Variants in PPP1R15A observed in about 807,000 individuals in gnomAD.
PPP1R15A encodes growth arrest and DNA damage-inducible protein GADD34.
Under a neutral mutation model 48.5 loss-of-function variants are expected in PPP1R15A, and 43 were observed. The ratio of observed to expected loss-of-function variants is 0.89; its 90% CI spans 0.69 to 1.14. The LOEUF (loss-of-function observed/expected upper bound fraction) is 1.14, where lower values mean the gene tolerates loss of function less well. Among genes scored for constraint, PPP1R15A ranks in the 50% most tolerant of loss-of-function variants. PPP1R15A has a pLI of 0.00. For missense variants in PPP1R15A, 868 were observed against 847.2 expected (o/e 1.02, Z -0.30); for synonymous variants, 327 against 327.4 (o/e 1.00, Z 0.01).
Position 48,874,344 on chromosome 19 carries a change from G to T in PPP1R15A, c.1111G>T (p.Gly371Ter). Residue 371 changes from glycine (G) to a stop codon, truncating the protein, a stop_gained, in exon 2 of 3, where the codon GGA becomes TGA. Coordinates refer to ENST00000200453, the MANE Select transcript of PPP1R15A (RefSeq NM_014330.5). LOFTEE classifies it high-confidence loss of function. ...DSDSGSDEEE[G>*]EAEASSSTPA... ...TGACTCTGGATCAGATGAGGAAGAG[G>T]GAGAAGCTGAGGCTTCCTCTTCCAC... The T allele has an allele frequency of 1.2e-6, 2 of 1,613,578 alleles. No homozygotes were observed. Among genetic ancestry groups the T allele is most frequent in the South Asian group, 2.2e-5 (2 of 91,058 alleles).
Position 48,873,526 on chromosome 19 carries a change from T to A in PPP1R15A, c.293T>A (p.Leu98Gln). ...GGAGAGGACAGAGAAACACTGGGGC[T>A]GAAAACCAGCAGTTCCCTTCCTGAA... ...GPGEDRETLGLKTSSSLPEAW... is the reference protein window; with the variant it reads ...GPGEDRETLGQKTSSSLPEAW... The change falls in exon 2 of 3, where the codon CTG (leucine) becomes CAG (glutamine). Residue 98 changes from leucine to glutamine, a missense_variant. By Grantham distance (113) the Leu-to-Gln change is moderately radical (BLOSUM62 -2). Coordinates refer to ENST00000200453, the MANE Select transcript of PPP1R15A (RefSeq NM_014330.5). The A allele has an allele frequency of 6.2e-7, 1 of 1,614,174 alleles. No homozygotes were observed. The highest frequency in any genetic ancestry group is 8.5e-7 in the Non-Finnish European group (1 of 1,180,016).
Position 48,874,026 on chromosome 19 carries a change from G to A in PPP1R15A, c.793G>A (p.Gly265Arg). Residue 265 changes from glycine to arginine, a missense_variant, in exon 2 of 3, where the codon GGA (glycine) becomes AGA (arginine). Physicochemically the swap from Gly to Arg is moderately radical, Grantham distance 125. Coordinates refer to ENST00000200453, the MANE Select transcript of PPP1R15A (RefSeq NM_014330.5). ...SDPRSWEYRS[G>R]EASEEKEEKA... ...CCCCAGGTCCTGGGAGTATCGTTCA[G>A]GAGAGGCGTCCGAGGAGAAGGAGGA... 5 of 1,614,190 alleles carry A rather than the reference G, an allele frequency of 3.1e-6. No individual in the cohort carries two copies. Among genetic ancestry groups the A allele is most frequent in the Non-Finnish European group, 4.2e-6 (5 of 1,180,030 alleles).
intron 1 of PPP1R15A, 127 bp downstream of exon 1, chr19:48,872,778 T>A: frequency 3.6e-6 from 1 of 280,942 alleles, no homozygotes; most frequent in Non-Finnish European, 7.3e-6. Flanking sequence ...GATTCTTGGG[T>A]CCCCCGTGAA....
intron 1 of PPP1R15A, among the ~76,000 whole-genome samples, chr19:48,872,913 A>G (rs1358265998): frequency 6.6e-6 from 1 of 152,160 alleles, no homozygotes; most frequent in Non-Finnish European, 1.5e-5. Flanking sequence ...TTTGTCGCCA[A>G]GGGAAGCAAG....
intron 2 of PPP1R15A, chr19:48,875,396 T>G: frequency 1.6e-6 from 1 of 641,582 alleles, no homozygotes; most frequent in Non-Finnish European, 2.6e-6. Flanking sequence ...AGGGAGCAGC[T>G]GTGGCTCACA....
At position 48,875,805 on chromosome 19, in the gene PPP1R15A, C is replaced by A; in HGVS notation, c.1857C>A (p.Leu619=). 1 of 1,613,942 alleles carries A rather than the reference C, an allele frequency of 6.2e-7. No homozygotes were observed. Among genetic ancestry groups the A allele is most frequent in the East Asian group, 2.2e-5 (1 of 44,864 alleles). Reference sequence around the variant, plus strand: ...CCCGGGCCAGAGCCTGGGCACGCCTCAGGAACCCACCTTTAGCCCCCATCC... The same window carrying A: ...CCCGGGCCAGAGCCTGGGCACGCCTAAGGAACCCACCTTTAGCCCCCATCC... ...PAARARAWAR[L]RNPPLAPIPA... is the part of the protein sequence containing the mutation. The change falls in exon 3 of 3, where the codon CTC becomes CTA. Residue 619 remains leucine (L), a synonymous_variant. Coordinates refer to ENST00000200453, the MANE Select transcript of PPP1R15A (RefSeq NM_014330.5).
At position 48,874,171 on chromosome 19, in the gene PPP1R15A, A is replaced by T. The variant is rs1437055209; in HGVS notation, c.938A>T (p.Glu313Val). 1 of 1,614,204 alleles carries T rather than the reference A, an allele frequency of 6.2e-7. No homozygotes were observed. The highest frequency in any genetic ancestry group is 8.5e-7 in the Non-Finnish European group (1 of 1,180,032). ...CAACCCAGTGATGAAGAGGAGGGTGAGGTCAAGGCTTTGGGGGCAGCTGAG... is the reference window on the plus strand; with the variant it reads ...CAACCCAGTGATGAAGAGGAGGGTGTGGTCAAGGCTTTGGGGGCAGCTGAG... ...WCQPSDEEEG[E>V]VKALGAAEKD... The change falls in exon 2 of 3, where the codon GAG (glutamate) becomes GTG (valine). Residue 313 changes from glutamate to valine, a missense_variant. Glu to Val is a moderately radical substitution (Grantham distance 121). Coordinates refer to ENST00000200453, the MANE Select transcript of PPP1R15A (RefSeq NM_014330.5).
chr19:48,872,442 A>G lies in PPP1R15A; in HGVS notation c.-219A>G, dbSNP rs974077856. 5 of 456,276 alleles carry G rather than the reference A, an allele frequency of 1.1e-5. No homozygotes were observed. The highest frequency in any genetic ancestry group is 2.0e-5 in the African/African-American group (1 of 50,030). The allele number at this position is 456,276 out of a possible 1,614,324, so 28.3% of individuals were successfully genotyped here. ...CGTTGCTCTTATCGGTTCCCATCCC[A>G]GTTGTTGATCTTATGCAAGACGCTG... On this transcript the variant is annotated 5_prime_UTR_variant, in exon 1 of 3. Transcript: ENST00000200453.
chr19:48,873,110 G>A (rs2037028446), intron 1 of PPP1R15A, 115 bp from the exon 2 acceptor site: 2 of 1,367,492 alleles, frequency 1.5e-6, no homozygotes, highest in Admixed American at 3.1e-5. Flanking sequence ...TGGGACTCTC[G>A]CGTTGCTATT....
rs201905583 is a variant in PPP1R15A, at chr19:48,873,391, C to T, written c.158C>T (p.Ala53Val). The T allele has an allele frequency of 6.2e-7, 1 of 1,613,614 alleles. No individual in the cohort carries two copies. Among genetic ancestry groups the T allele is most frequent in the Non-Finnish European group, 8.5e-7 (1 of 1,179,854 alleles). The change falls in exon 2 of 3, where the codon GCA becomes GTA. Residue 53 changes from alanine to valine, a missense_variant. Physicochemically the swap from Ala to Val is moderately conservative, Grantham distance 64. Coordinates refer to ENST00000200453, the MANE Select transcript of PPP1R15A (RefSeq NM_014330.5). The stretch of plus-strand genomic sequence containing the variant: ...TGGCTGGTGGAAGCAGTAAAAGGAG[C>T]AGCTCTGGTAGAAGCTGGCCTGGAG... Reference protein sequence around the residue: ...EPWLVEAVKGAALVEAGLEGE... With the variant: ...EPWLVEAVKGVALVEAGLEGE...
chr19:48,874,419 G>A lies in PPP1R15A; in HGVS notation c.1186G>A (p.Asp396Asn). The change falls in exon 2 of 3, where the codon GAC becomes AAC. Residue 396 changes from aspartate (D) to asparagine (N), a missense_variant. Asp to Asn is a conservative substitution (Grantham distance 23, BLOSUM62 1). Coordinates refer to ENST00000200453, the MANE Select transcript of PPP1R15A (RefSeq NM_014330.5). ...LKSWVYQPGE[D>N]TEEEEDEDSD... ...GTCCTGGGTCTATCAGCCAGGAGAG[G>A]ACACAGAGGAGGAGGAAGATGAGGA... 1 of 1,614,138 alleles carries A rather than the reference G, an allele frequency of 6.2e-7. No individual in the cohort carries two copies. The highest frequency in any genetic ancestry group is 8.5e-7 in the Non-Finnish European group (1 of 1,180,028).
In PPP1R15A at chr19:48,874,414, G is replaced by T; in HGVS notation, c.1181G>T (p.Gly394Val). 1 of 1,614,104 alleles carries T rather than the reference G, an allele frequency of 6.2e-7. No individual in the cohort carries two copies. Among genetic ancestry groups the T allele is most frequent in the South Asian group, 1.1e-5 (1 of 91,080 alleles). Residue 394 changes from glycine to valine, a missense_variant, in exon 2 of 3, where the codon GGA (glycine) becomes GTA (valine). Physicochemically the swap from Gly to Val is moderately radical, Grantham distance 109. Transcript: ENST00000200453. ...VFLKSWVYQP[G>V]EDTEEEEDED... The stretch of plus-strand genomic sequence containing the variant: ...TTGAAGTCCTGGGTCTATCAGCCAG[G>T]AGAGGACACAGAGGAGGAGGAAGAT...
At position 48,874,650 on chromosome 19, in the gene PPP1R15A, C is replaced by T. The variant is rs756508458; in HGVS notation, c.1417C>T (p.Pro473Ser). Residue 473 changes from proline to serine, a missense_variant, in exon 2 of 3, where the codon CCG becomes TCG. Coordinates refer to ENST00000200453, the MANE Select transcript of PPP1R15A (RefSeq NM_014330.5). ...EAESDPHPSH[P>S]DQRAHFRGWG... Reference sequence around the variant, plus strand: ...TGAGTCAGACCCACATCCCTCCCACCCGGACCAGAGGGCCCACTTCAGGGG... The same window carrying T: ...TGAGTCAGACCCACATCCCTCCCACTCGGACCAGAGGGCCCACTTCAGGGG... The T allele has an allele frequency of 6.2e-7, 1 of 1,613,940 alleles. No individual in the cohort carries two copies. The highest frequency in any genetic ancestry group is 1.7e-5 in the Admixed American group (1 of 60,018).
In PPP1R15A at chr19:48,875,656, T is replaced by C. The variant is rs2037073342; in HGVS notation, c.1708T>C (p.Trp570Arg). The C allele has an allele frequency of 6.2e-7, 1 of 1,608,102 alleles. No homozygotes were observed. Among genetic ancestry groups the C allele is most frequent in the Non-Finnish European group, 8.5e-7 (1 of 1,177,854 alleles). Reference protein sequence around the residue: ...EKVTVHFLAVWAGPAQAARQG... With the variant: ...EKVTVHFLAVRAGPAQAARQG... ...GGTCACTGTCCATTTCCTGGCTGTC[T>C]GGGCAGGGCCGGCCCAGGCCGCCCG... The change falls in exon 3 of 3, where the codon TGG becomes CGG. Residue 570 changes from tryptophan to arginine, a missense_variant. Trp to Arg is a moderately radical substitution (Grantham distance 101). Coordinates refer to ENST00000200453, the MANE Select transcript of PPP1R15A (RefSeq NM_014330.5).
Position 48,872,438 on chromosome 19 carries a change from T to G in PPP1R15A, c.-223T>G. 2.2e-6 allele frequency: 1 copy of G among 456,490 alleles called. No homozygotes were observed. Among genetic ancestry groups the G allele is most frequent in the Non-Finnish European group, 4.4e-6 (1 of 226,804 alleles). The allele number at this position is 456,490 out of a possible 1,614,324, so 28.3% of individuals were successfully genotyped here. On this transcript the variant is annotated 5_prime_UTR_variant, in exon 1 of 3. Coordinates refer to ENST00000200453, the MANE Select transcript of PPP1R15A (RefSeq NM_014330.5). ...TGTTCGTTGCTCTTATCGGTTCCCA[T>G]CCCAGTTGTTGATCTTATGCAAGAC...
At position 48,875,857 on chromosome 19, in the gene PPP1R15A, TCCTCTGTC is replaced by T. The variant is rs772078537; in HGVS notation, c.1913_1920del (p.Ser638PhefsTer45). 3.1e-6 allele frequency: 5 copies of T among 1,614,096 alleles called. No homozygotes were observed. Among genetic ancestry groups the T allele is most frequent in the Non-Finnish European group, 3.4e-6 (4 of 1,179,962 alleles). ...TGCCCTCACCCAGACCTTGCCTTCCTCCTCTGTCCCTTCGTCCCCAGTCCAGACCACGC... is the reference window on the plus strand; with the variant it reads ...TGCCCTCACCCAGACCTTGCCTTCCTCCTTCGTCCCCAGTCCAGACCACGC... On this transcript the variant is annotated frameshift_variant, in exon 3 of 3. Transcript: ENST00000200453. LOFTEE classifies it low-confidence loss of function (END_TRUNC).
Position 48,875,740 on chromosome 19 carries a change from C to A in PPP1R15A, c.1792C>A (p.Gln598Lys). 1 of 1,613,630 alleles carries A rather than the reference C, an allele frequency of 6.2e-7. No homozygotes were observed. ...DRSRFARRIT[Q>K]AQEELSPCLT... ...CAGCCGCTTCGCACGCCGCATCACC[C>A]AGGCCCAGGAGGAGCTGAGCCCCTG... The change falls in exon 3 of 3, where the codon CAG becomes AAG. Residue 598 changes from glutamine to lysine, a missense_variant. By Grantham distance (53) the Gln-to-Lys change is moderately conservative. Transcript: ENST00000200453.
At position 48,873,862 on chromosome 19, in the gene PPP1R15A, C is replaced by A. The variant is rs1486271221; in HGVS notation, c.629C>A (p.Ala210Asp). The change falls in exon 2 of 3, where the codon GCC (alanine) becomes GAC (aspartate). Residue 210 changes from alanine to aspartate, a missense_variant. By Grantham distance (126) the Ala-to-Asp change is moderately radical. Transcript: ENST00000200453. ...KKEAHRTSTSALSPGSKPSTW... is the reference protein window; with the variant it reads ...KKEAHRTSTSDLSPGSKPSTW... ...GAAGCTCACAGAACCTCTACTTCTGCCTTGTCTCCAGGATCCAAGCCCAGC... is the reference window on the plus strand; with the variant it reads ...GAAGCTCACAGAACCTCTACTTCTGACTTGTCTCCAGGATCCAAGCCCAGC... 6.2e-7 allele frequency: 1 copy of A among 1,614,180 alleles called. No individual in the cohort carries two copies. Among genetic ancestry groups the A allele is most frequent in the East Asian group, 2.2e-5 (1 of 44,882 alleles).
Position 48,873,339 on chromosome 19 carries a change from C to CT in PPP1R15A, c.107dup (p.Arg37GlufsTer29). The CT allele has an allele frequency of 6.2e-7, 1 of 1,612,800 alleles. No individual in the cohort carries two copies. Among genetic ancestry groups the CT allele is most frequent in the South Asian group, 1.1e-5 (1 of 91,038 alleles). ...CCTCCTCAGCCGCGCCTGGAGCCGC[C>CT]TGAGGGGCCTGGGACCTCTAGAGCC... On this transcript the variant is annotated frameshift_variant, in exon 2 of 3. Transcript: ENST00000200453. LOFTEE classifies it high-confidence loss of function.
Sources: allele counts gnomAD v4.1 joint callset (sites outside exome capture counted in the v4.1 genomes callset), GRCh38; gene constraint gnomAD v4.1.1; transcripts MANE v1.5; gene names NCBI Gene and HGNC (gene_info 2026-07-23, HGNC 2026-07-21).